Variants in SCN11A observed in about 807,000 individuals in gnomAD.
The protein encoded by SCN11A is sodium voltage-gated channel alpha subunit 11.
A neutral mutation model predicts 162.2 loss-of-function variants in SCN11A; 122 were observed. The ratio of observed to expected loss-of-function variants is 0.75; its 90% CI spans 0.65 to 0.87. The LOEUF (loss-of-function observed/expected upper bound fraction) is 0.87, where lower values mean the gene tolerates loss of function less well. SCN11A is among the 40% of genes least tolerant of loss of function. SCN11A has a pLI of 0.00. For synonymous variants in SCN11A, 758 were observed against 751.5 expected (o/e 1.01, Z -0.14); for missense variants, 2,015 against 2,181.6 (o/e 0.92, Z 1.52).
chr3:39,001,368 T>G (rs2030806212), intron 2 of SCN11A, among the ~76,000 whole-genome samples: 1 of 152,244 alleles, frequency 6.6e-6, no homozygotes, highest in Admixed American at 6.5e-5. Context: ...ATAAATACGA[T>G]TATATAATAT....
At chr3:38,962,141 T>C (rs1392632574) in intron 2 of SCN11A, among the ~76,000 whole-genome samples, 4 of 152,214 alleles carry the variant, frequency 2.6e-5, no homozygotes, top group African/African-American at 4.8e-5. Flanking sequence ...CCCCACTTTA[T>C]GTTTTTGTTT....
chr3:38,975,563 C>T (rs2066844938), intron 2 of SCN11A, among the ~76,000 whole-genome samples: 2 of 152,204 alleles, frequency 1.3e-5, no homozygotes, highest in Admixed American at 6.5e-5. Context: ...TGTTAAAACA[C>T]TTGCTCAACA....
At chr3:39,026,930 G>C (rs1377439600) in intron 2 of SCN11A, among the ~76,000 whole-genome samples, 4 of 152,204 alleles carry the variant, frequency 2.6e-5, no homozygotes, top group Non-Finnish European at 1.5e-5. Flanking sequence ...TCAGGGCTTA[G>C]AAGAGCCTTA....
intron 1 of SCN11A, among the ~76,000 whole-genome samples, chr3:39,041,051 C>T (rs529383769): frequency 4.6e-5 from 7 of 152,220 alleles, no homozygotes; most frequent in South Asian, 4.2e-4. Flanking sequence ...CACTGCACTC[C>T]GGCCTGGGCG....
chr3:39,014,224 G>A (rs991362359), intron 2 of SCN11A, among the ~76,000 whole-genome samples: 7 of 152,220 alleles, frequency 4.6e-5, no homozygotes, highest in East Asian at 1.9e-4. Context: ...CAGGGAATTC[G>A]TGATTCCAGA....
At chr3:38,869,735 CA>C (rs909644817) in intron 26 of SCN11A, among the ~76,000 whole-genome samples, 1 of 152,172 alleles carries the variant, frequency 6.6e-6, no homozygotes, top group African/African-American at 2.4e-5. Flanking sequence ...TCAAGTGCTC[CA>C]AAATCTGAAA....
chr3:38,889,812 T>TAAAAC (rs1194627813), intron 19 of SCN11A, among the ~76,000 whole-genome samples: 7 of 40,570 alleles, frequency 1.7e-4, no homozygotes, highest in African/African-American at 4.4e-4. Context: ...AAAAATAAAA[T>TAAAAC]AAAATAAAAT....
intron 16 of SCN11A, among the ~76,000 whole-genome samples, chr3:38,902,168 T>C (rs1407982206): frequency 6.6e-6 from 1 of 151,898 alleles, no homozygotes; most frequent in Admixed American, 6.6e-5. Context: ...AAAGGTGGAG[T>C]CTGCTGACCA....
intron 3 of SCN11A, among the ~76,000 whole-genome samples, chr3:38,954,601 T>C (rs2066658887): frequency 6.6e-6 from 1 of 152,042 alleles, no homozygotes; most frequent in Non-Finnish European, 1.5e-5. Flanking sequence ...CCTGAAACTG[T>C]ACACAGTAAA....
At chr3:38,934,347 A>G (rs1254904170) in intron 7 of SCN11A, among the ~76,000 whole-genome samples, 8 of 152,160 alleles carry the variant, frequency 5.3e-5, no homozygotes, top group Admixed American at 2.0e-4. Flanking sequence ...TAACATCATA[A>G]TGACAGGATC....
intron 22 of SCN11A, among the ~76,000 whole-genome samples, chr3:38,881,643 A>C (rs1459285878): frequency 6.6e-6 from 1 of 152,196 alleles, no homozygotes; most frequent in African/African-American, 2.4e-5. Context: ...TGCTTGTTAC[A>C]ATGTAATACT....
chr3:38,929,172 C>CACATAT (rs139558791), intron 7 of SCN11A, among the ~76,000 whole-genome samples: 1 of 79,748 alleles, frequency 1.3e-5, no homozygotes, highest in African/African-American at 3.1e-5. Flanking sequence ...CACACACACA[C>CACATAT]ATGTTTGGGA....
At position 38,908,031 on chromosome 3, in the gene SCN11A, T is replaced by A. The variant is rs1264583030; in HGVS notation, c.1391A>T (p.Lys464Met). 6.2e-7 allele frequency: 1 copy of A among 1,613,644 alleles called. No individual in the cohort carries two copies. The highest frequency in any genetic ancestry group is 2.2e-5 in the East Asian group (1 of 44,880). Residue 464 changes from lysine (K) to methionine (M), a missense_variant, in exon 14 of 30, where the codon AAG (lysine) becomes ATG (methionine). Transcript: ENST00000302328. ...TPKKRKLFGN[K>M]KRKSFFLRES... ...TCTCAAAAAGAAGGACTTCCTTTTC[T>A]TATTACCAAAGAGCTTTCTCTTTTT...
chr3:38,905,355 CAG>C lies in SCN11A; in HGVS notation c.1474-36_1474-35del, dbSNP rs753640857. ...GAAGGCATAGGGCACCTTCTAAAGA[CAG>C]GGGCTGCCTCTCCTCAAAACTTAAC... is the stretch of plus-strand genomic sequence containing the variant. On this transcript the variant is annotated intron_variant, in intron 14 of 29. Coordinates refer to ENST00000302328, the MANE Select transcript of SCN11A (RefSeq NM_001349253.2). 3.1e-6 allele frequency: 5 copies of C among 1,597,118 alleles called. No homozygotes were observed. The East Asian group carries it at 9.0e-5, about 29-fold the overall frequency.
At chr3:38,975,044 C>G (rs185006540) in intron 2 of SCN11A, among the ~76,000 whole-genome samples, 1 of 150,638 alleles carries the variant, frequency 6.6e-6, no homozygotes, top group Non-Finnish European at 1.5e-5. Flanking sequence ...TAAAAGAATA[C>G]AGAAATCAGT....
intron 2 of SCN11A, among the ~76,000 whole-genome samples, chr3:39,009,485 G>C (rs1016931646): frequency 6.6e-6 from 1 of 150,962 alleles, no homozygotes; most frequent in Non-Finnish European, 1.5e-5. Context: ...GGGCTCTTGA[G>C]ACCAGAAAGT....
intron 7 of SCN11A, among the ~76,000 whole-genome samples, chr3:38,942,088 T>C (rs534782003): frequency 6.6e-6 from 1 of 152,144 alleles, no homozygotes; most frequent in Non-Finnish European, 1.5e-5. Context: ...AATATTTAAA[T>C]GAGTATTATT....
intron 4 of SCN11A, among the ~76,000 whole-genome samples, chr3:38,951,353 A>G (rs910313412): frequency 6.6e-6 from 1 of 152,176 alleles, no homozygotes; most frequent in African/African-American, 2.4e-5. Context: ...CTGGCGCTGC[A>G]CTCGATTTCT....
chr3:38,935,472 A>G (rs1292504103), intron 7 of SCN11A, among the ~76,000 whole-genome samples: 1 of 152,214 alleles, frequency 6.6e-6, no homozygotes, highest in Non-Finnish European at 1.5e-5. Flanking sequence ...AAACTGATAG[A>G]TCCCTAGCAA....
Sources: allele counts gnomAD v4.1 joint callset (sites outside exome capture counted in the v4.1 genomes callset), GRCh38; gene constraint gnomAD v4.1.1; transcripts MANE v1.5; gene names NCBI Gene and HGNC (gene_info 2026-07-23, HGNC 2026-07-21).